PHACTR1: variants seen among roughly 807,000 people sequenced by gnomAD.
PHACTR1 encodes phosphatase and actin regulator 1, also known as RPEL repeat containing 1.
In PHACTR1, 16 loss-of-function variants were observed where a neutral mutation model predicts 69.2. The ratio of observed to expected loss-of-function variants is 0.23; its 90% CI spans 0.16 to 0.35. The LOEUF (loss-of-function observed/expected upper bound fraction) is 0.35. Ranked by LOEUF, PHACTR1 falls within the 10% of genes least tolerant of loss-of-function variation. The probability of loss-of-function intolerance (pLI) is 1.00; values close to 1 mark genes in which losing one functional copy is unlikely to be tolerated. For missense variants in PHACTR1, 510 were observed against 734.7 expected (o/e 0.69, Z 3.54); for synonymous variants, 312 against 284.5 (o/e 1.10, Z -0.97).
At position 12,816,495 on chromosome 6, in the gene PHACTR1, A is replaced by G. The variant is rs181339362; in HGVS notation, c.250+66705A>G. Among the ~76,000 whole-genome samples the G allele has an allele frequency of 6.6e-3, 1,004 of 152,270 alleles. 3 individuals are homozygous for G. Among genetic ancestry groups the G allele is most frequent in the Admixed American group, 0.01 (158 of 15,294 alleles). ...AGAATCATTACTCTGAGACATGTTA[A>G]TCTTTGTTCTTCAGGGCCCTGCATT... On this transcript the variant is annotated intron_variant, in intron 4 of 14. Transcript: ENST00000332995.
intron 3 of PHACTR1, among the ~76,000 whole-genome samples, chr6:12,747,911 A>T (rs1766016086): frequency 1.3e-5 from 2 of 152,188 alleles, no homozygotes. Context: ...GCAGTTTCAG[A>T]TTAACACAGA....
At chr6:12,750,451 TAGGG>T (rs1338415896) in intron 4 of PHACTR1, among the ~76,000 whole-genome samples, 3 of 141,094 alleles carry the variant, frequency 2.1e-5, no homozygotes, top group Non-Finnish European at 3.0e-5. Context: ...GAAGGGAAGA[TAGGG>T]AGGAAAGGAA....
intron 5 of PHACTR1, among the ~76,000 whole-genome samples, chr6:13,133,928 G>A (rs1194407285): frequency 6.7e-6 from 1 of 150,182 alleles, no homozygotes; most frequent in East Asian, 2.0e-4. Context: ...TGAGATGTGG[G>A]GAGCGCCTCT....
chr6:13,223,188 T>C (rs1768958807), intron 8 of PHACTR1, among the ~76,000 whole-genome samples: 1 of 152,142 alleles, frequency 6.6e-6, no homozygotes, highest in South Asian at 2.1e-4. Context: ...TAAATAATAG[T>C]GTAAATGGAC....
At chr6:12,928,618 C>CCCATCCAT (rs1170979613) in intron 4 of PHACTR1, among the ~76,000 whole-genome samples, 1 of 119,700 alleles carries the variant, frequency 8.4e-6, no homozygotes, top group Non-Finnish European at 1.6e-5. Context: ...CACCCACCCA[C>CCCATCCAT]CCATCCATCC....
intron 8 of PHACTR1, among the ~76,000 whole-genome samples, chr6:13,211,210 C>T (rs1037973933): frequency 6.6e-6 from 1 of 152,046 alleles, no homozygotes; most frequent in Non-Finnish European, 1.5e-5. Flanking sequence ...GGTTTGGGTG[C>T]ACCCATCACC....
intron 4 of PHACTR1, among the ~76,000 whole-genome samples, chr6:13,032,021 T>C (rs191329061): frequency 1.0e-3 from 159 of 152,306 alleles, no homozygotes; most frequent in Admixed American, 5.0e-3. Context: ...CTGACCCTTA[T>C]GGAATTTACT....
chr6:12,975,306 A>T (rs1321980267), intron 4 of PHACTR1, among the ~76,000 whole-genome samples: 1 of 152,240 alleles, frequency 6.6e-6, no homozygotes, highest in Non-Finnish European at 1.5e-5. Flanking sequence ...ATTAATTTGC[A>T]GCTACACGTT....
chr6:13,030,340 CAG>C (rs1224577360), intron 4 of PHACTR1, among the ~76,000 whole-genome samples: 1 of 152,164 alleles, frequency 6.6e-6, no homozygotes, highest in Non-Finnish European at 1.5e-5. Context: ...GAAACTTACA[CAG>C]AGTTTCCTGT....
chr6:12,743,189 G>GAAAAA (rs56962574), intron 3 of PHACTR1, among the ~76,000 whole-genome samples: 2 of 136,746 alleles, frequency 1.5e-5, no homozygotes, highest in Non-Finnish European at 3.1e-5. Context: ...TAAATTGCAG[G>GAAAAA]AAAAAAAAAA....
chr6:13,223,129 A>T (rs1303606763), intron 8 of PHACTR1, among the ~76,000 whole-genome samples: 1 of 152,232 alleles, frequency 6.6e-6, no homozygotes, highest in African/African-American at 2.4e-5. Context: ...AGGTTACAAT[A>T]GTGTTTAAAT....
At chr6:13,075,437 C>T (rs968863677) in intron 5 of PHACTR1, among the ~76,000 whole-genome samples, 1 of 152,146 alleles carries the variant, frequency 6.6e-6, no homozygotes, top group Non-Finnish European at 1.5e-5. Context: ...TGAGTAAGGT[C>T]TTTGTAATGA....
intron 10 of PHACTR1, among the ~76,000 whole-genome samples, chr6:13,258,685 T>C (rs1401595572): frequency 1.3e-5 from 2 of 152,232 alleles, no homozygotes; most frequent in Non-Finnish European, 2.9e-5. Context: ...CATGTTAAGC[T>C]TCTTGAAGAC....
intron 5 of PHACTR1, among the ~76,000 whole-genome samples, chr6:13,088,153 TA>T (rs1227975619): frequency 1.3e-5 from 2 of 152,084 alleles, no homozygotes; most frequent in Non-Finnish European, 2.9e-5. Context: ...TAAACAAACT[TA>T]GAACTAATAT....
chr6:12,892,873 G>A (rs1241346539), intron 4 of PHACTR1, among the ~76,000 whole-genome samples: 1 of 152,190 alleles, frequency 6.6e-6, no homozygotes, highest in Non-Finnish European at 1.5e-5. Flanking sequence ...AGGGAGAATA[G>A]ACTTCATCAG....
At position 13,063,936 on chromosome 6, in the gene PHACTR1, A is replaced by G. The variant is rs187243581; in HGVS notation, c.415+10407A>G. Reference sequence around the variant, plus strand: ...TGTTATCCTAATGCAATAGGAAATTATGAGAGGACTTGCATTTTAGAAAGA... The same window carrying G: ...TGTTATCCTAATGCAATAGGAAATTGTGAGAGGACTTGCATTTTAGAAAGA... On this transcript the variant is annotated intron_variant, in intron 5 of 14. Coordinates refer to ENST00000332995, the MANE Select transcript of PHACTR1 (RefSeq NM_030948.6). Among the ~76,000 whole-genome samples the G allele has an allele frequency of 5.5e-4, 84 of 152,342 alleles. 1 individual carries two copies. Among genetic ancestry groups the G allele is most frequent in the African/African-American group, 1.9e-3 (79 of 41,580 alleles).
chr6:13,128,381 C>G (rs1279449026), intron 5 of PHACTR1, among the ~76,000 whole-genome samples: 1 of 148,660 alleles, frequency 6.7e-6, no homozygotes, highest in Non-Finnish European at 1.5e-5. Context: ...CGGTGAAAAC[C>G]AACTTAAATA....
Position 13,278,246 on chromosome 6 carries a change from A to C in PHACTR1, c.1448-22A>C, listed in dbSNP as rs749525359. 2.0e-5 allele frequency: 31 copies of C among 1,564,060 alleles called. No individual in the cohort carries two copies. In the East Asian group the frequency reaches 6.9e-4, roughly 35 times the overall value. On this transcript the variant is annotated intron_variant, in intron 11 of 14. Transcript: ENST00000332995. Reference sequence around the variant, plus strand: ...CAACACTGTTTACTGAAATAAAAAAACATCTTAAATATTTTTTTTAGCTCG... The same window carrying C: ...CAACACTGTTTACTGAAATAAAAAACCATCTTAAATATTTTTTTTAGCTCG...
intron 4 of PHACTR1, among the ~76,000 whole-genome samples, chr6:12,939,253 C>T (rs974787309): frequency 2.6e-5 from 4 of 152,100 alleles, no homozygotes; most frequent in African/African-American, 9.7e-5. Context: ...TCTCCATAAT[C>T]GAAGGAGAGA....
Sources: allele counts gnomAD v4.1 joint callset (sites outside exome capture counted in the v4.1 genomes callset), GRCh38; gene constraint gnomAD v4.1.1; transcripts MANE v1.5; gene names NCBI Gene and HGNC (gene_info 2026-07-23, HGNC 2026-07-21).